Variants in PTPRD observed in about 807,000 individuals in gnomAD.
PTPRD encodes receptor-type tyrosine-protein phosphatase delta.
A neutral mutation model predicts 214.5 loss-of-function variants in PTPRD; 34 were observed. The ratio of observed to expected loss-of-function variants is 0.16; its 90% confidence interval spans 0.12 to 0.21. The LOEUF is 0.21. Among genes scored for constraint, PTPRD ranks in the 10% least tolerant of loss-of-function variants. The pLI, the probability that PTPRD is intolerant of heterozygous loss-of-function variation, is 1.00. For missense variants in PTPRD, 2,545 were observed against 2,398.7 expected (o/e 1.06, Z -1.27); for synonymous variants, 1,128 against 845.7 (o/e 1.33, Z -5.79).
intron 9 of PTPRD, among the ~76,000 whole-genome samples, chr9:9,337,690 T>C (rs1325694717): frequency 6.6e-6 from 1 of 152,176 alleles, no homozygotes; most frequent in Non-Finnish European, 1.5e-5. Flanking sequence ...TGCCACTCTC[T>C]GGGGGAGATT....
At chr9:10,587,072 A>ACAACAAAT (rs2074114131) in intron 2 of PTPRD, among the ~76,000 whole-genome samples, 1 of 152,108 alleles carries the variant, frequency 6.6e-6, no homozygotes, top group Non-Finnish European at 1.5e-5. Context: ...TTTATCACTA[A>ACAACAAAT]CAACAAATCA....
At chr9:9,835,107 T>C (rs2056354773) in intron 5 of PTPRD, among the ~76,000 whole-genome samples, 1 of 152,196 alleles carries the variant, frequency 6.6e-6, no homozygotes, top group Admixed American at 6.6e-5. Context: ...ATATTGCTAG[T>C]ACCAAAGCAG....
intron 3 of PTPRD, among the ~76,000 whole-genome samples, chr9:10,077,891 C>T (rs1275760518): frequency 6.6e-6 from 1 of 151,364 alleles, no homozygotes; most frequent in African/African-American, 2.4e-5. Flanking sequence ...CTTCTCTGTT[C>T]ATTCTGGTTT....
chr9:10,128,753 A>G (rs1388794194), intron 3 of PTPRD, among the ~76,000 whole-genome samples: 5 of 152,130 alleles, frequency 3.3e-5, no homozygotes, highest in Non-Finnish European at 7.4e-5. Flanking sequence ...AAGTTTCACA[A>G]CCATCACAAA....
chr9:10,026,561 C>T lies in PTPRD; in HGVS notation c.-472+7157G>A, dbSNP rs1394167265. ...AAAATAATTTTTGTTTATCTTAGCC[C>T]ATAATCTGTGCTCATCCTTTGGAGC... On this transcript the variant is annotated intron_variant, in intron 4 of 45. Coordinates refer to ENST00000381196, the MANE Select transcript of PTPRD (RefSeq NM_002839.4). Among the ~76,000 whole-genome samples the T allele has an allele frequency of 2.6e-5, 4 of 152,166 alleles. No homozygotes were observed. In the East Asian group the frequency reaches 7.7e-4, roughly 29 times the overall value.
chr9:9,392,060 G>C (rs1470121195), intron 9 of PTPRD, among the ~76,000 whole-genome samples: 3 of 152,202 alleles, frequency 2.0e-5, no homozygotes, highest in African/African-American at 7.2e-5. Flanking sequence ...TAGTCCTAGA[G>C]ACAAATATTC....
chr9:9,316,946 T>C (rs1330460197), intron 9 of PTPRD, among the ~76,000 whole-genome samples: 1 of 152,164 alleles, frequency 6.6e-6, no homozygotes, highest in African/African-American at 2.4e-5. Context: ...AAGTCACTTA[T>C]ATAGGAATCT....
At chr9:8,768,749 C>A (rs1042159135) in intron 11 of PTPRD, among the ~76,000 whole-genome samples, 4 of 151,938 alleles carry the variant, frequency 2.6e-5, no homozygotes, top group African/African-American at 9.7e-5. Context: ...AGTCCAAAAC[C>A]CTTCATTGGA....
At chr9:9,022,980 C>A (rs1308336531) in intron 10 of PTPRD, among the ~76,000 whole-genome samples, 1 of 152,060 alleles carries the variant, frequency 6.6e-6, no homozygotes, top group Non-Finnish European at 1.5e-5. Context: ...GAGAATAAAC[C>A]ATGGTAGATT....
chr9:9,570,120 G>C (rs2085910706), intron 8 of PTPRD, among the ~76,000 whole-genome samples: 1 of 151,418 alleles, frequency 6.6e-6, no homozygotes, highest in Non-Finnish European at 1.5e-5. Flanking sequence ...TTTCCAGAAA[G>C]TATTTGTGCA....
At position 8,625,775 on chromosome 9, in the gene PTPRD, GT is replaced by G. The variant is rs200120404; in HGVS notation, c.352+7541del. Reference sequence around the variant, plus strand: ...GAAACAAAAAAGAAAGGCATGGAAAGTTTTTAGATATAAATTAAAACACAGC... The same window carrying G: ...GAAACAAAAAAGAAAGGCATGGAAAGTTTTAGATATAAATTAAAACACAGC... On this transcript the variant is annotated intron_variant, in intron 14 of 45. Transcript: ENST00000381196. 7.9e-3 allele frequency among the ~76,000 whole-genome samples: 1,190 copies of G among 151,338 alleles called. 22 individuals are homozygous for G. Among genetic ancestry groups the G allele is most frequent in the African/African-American group, 0.026 (1,070 of 41,348 alleles).
At chr9:8,348,142 CAT>C (rs1446543195) in intron 39 of PTPRD, among the ~76,000 whole-genome samples, 1 of 152,160 alleles carries the variant, frequency 6.6e-6, no homozygotes, top group Non-Finnish European at 1.5e-5. Flanking sequence ...GCATGTTCCA[CAT>C]AGTTATTTTC....
At chr9:8,560,472 CATAT>C (rs112868505) in intron 14 of PTPRD, among the ~76,000 whole-genome samples, 1,889 of 139,974 alleles carry the variant, frequency 0.013, 32 homozygotes, top group East Asian at 0.085. Flanking sequence ...CACACACACA[CATAT>C]ATACACTGTT....
At chr9:9,104,534 C>G (rs1456705121) in intron 10 of PTPRD, among the ~76,000 whole-genome samples, 1 of 152,094 alleles carries the variant, frequency 6.6e-6, no homozygotes, top group African/African-American at 2.4e-5. Context: ...ACCGTTATTT[C>G]CAAAGATACT....
intron 11 of PTPRD, among the ~76,000 whole-genome samples, chr9:8,827,512 C>A (rs2097200112): frequency 6.6e-6 from 1 of 152,116 alleles, no homozygotes; most frequent in East Asian, 1.9e-4. Flanking sequence ...GAGGCTGAGG[C>A]ACAAGAATCA....
At chr9:10,238,901 G>T (rs986724453) in intron 3 of PTPRD, among the ~76,000 whole-genome samples, 2 of 151,872 alleles carry the variant, frequency 1.3e-5, no homozygotes, top group East Asian at 3.9e-4. Context: ...AACCTGGGAG[G>T]CAGTATGTTT....
chr9:9,584,019 C>A (rs781736326), intron 7 of PTPRD, among the ~76,000 whole-genome samples: 3 of 152,022 alleles, frequency 2.0e-5, no homozygotes, highest in Non-Finnish European at 4.4e-5. Context: ...TGGTAACTCT[C>A]AAACTCAAAT....
intron 8 of PTPRD, among the ~76,000 whole-genome samples, chr9:9,492,694 A>G (rs1340848952): frequency 6.6e-6 from 1 of 151,760 alleles, no homozygotes; most frequent in Non-Finnish European, 1.5e-5. Flanking sequence ...TTGTTTTATT[A>G]TGGTTCACTT....
intron 9 of PTPRD, among the ~76,000 whole-genome samples, chr9:9,206,112 T>G (rs2099944707): frequency 6.6e-6 from 1 of 151,910 alleles, no homozygotes; most frequent in Non-Finnish European, 1.5e-5. Context: ...ATTCTAGAGG[T>G]TGGCAAATTA....
Sources: gnomAD v4.1 joint callset for allele counts (sites outside exome capture counted in the v4.1 genomes callset) on GRCh38, gnomAD v4.1.1 for gene constraint, MANE v1.5 for transcripts, NCBI Gene and HGNC (gene_info 2026-07-23, HGNC 2026-07-21) for gene names.